Variants in SIPA1L1 observed in about 807,000 individuals in gnomAD.
The protein encoded by SIPA1L1 is signal-induced proliferation-associated 1-like protein 1.
A neutral mutation model predicts 162.7 loss-of-function variants in SIPA1L1; 26 were observed. That is an observed-to-expected ratio of 0.16 (90% confidence interval 0.12 to 0.22). The LOEUF (loss-of-function observed/expected upper bound fraction) is 0.22. SIPA1L1 is among the 10% of genes least tolerant of loss of function. SIPA1L1 has a pLI of 1.00. For missense variants in SIPA1L1, 1,874 were observed against 2,241.0 expected (o/e 0.84, Z 3.31); for synonymous variants, 829 against 837.4 (o/e 0.99, Z 0.17).
chr14:71,461,998 T>G (rs2046638772), intron 2 of SIPA1L1, among the ~76,000 whole-genome samples: 1 of 152,204 alleles, frequency 6.6e-6, no homozygotes, highest in Admixed American at 6.5e-5. Flanking sequence ...AACTTACTTG[T>G]GCCTTCAGGA....
chr14:71,481,514 A>G (rs2048350567), intron 2 of SIPA1L1, among the ~76,000 whole-genome samples: 1 of 151,960 alleles, frequency 6.6e-6, no homozygotes. Context: ...AACAACAACA[A>G]CAGCAAAAAA....
rs202169046 is a variant in SIPA1L1, at chr14:71,671,639, G to T, written c.2776G>T (p.Val926Leu). The stretch of plus-strand genomic sequence containing the variant: ...CTATGAACGAGGAGAATGTGTTTCA[G>T]TGGGTAGTTTTATTAACATTGAGGA... ...IFYERGECVS[V>L]GSFINIEEIK... Residue 926 changes from valine (V) to leucine (L), a missense_variant, in exon 11 of 24, where the codon GTG (valine) becomes TTG (leucine). Val to Leu is a conservative substitution (Grantham distance 32). Around this residue, in one of 5 missense-constraint regions of SIPA1L1, gnomAD observed 243 missense variants for 315.0 expected, o/e 0.77. Transcript: ENST00000381232. The T allele has an allele frequency of 8.0e-5, 129 of 1,613,608 alleles. No individual in the cohort carries two copies. The highest frequency in any genetic ancestry group is 1.0e-4 in the Non-Finnish European group (118 of 1,179,782).
intron 2 of SIPA1L1, among the ~76,000 whole-genome samples, chr14:71,356,844 T>A (rs2037321147): frequency 6.6e-6 from 1 of 151,580 alleles, no homozygotes. Flanking sequence ...ACAGAGAAAT[T>A]CCAGGGTTTT....
At chr14:71,523,018 C>G (rs1280231916) in intron 3 of SIPA1L1, among the ~76,000 whole-genome samples, 3 of 152,096 alleles carry the variant, frequency 2.0e-5, no homozygotes, top group Non-Finnish European at 4.4e-5. Flanking sequence ...GAGAAACACT[C>G]TGGGTAATTT....
chr14:71,463,932 A>T (rs1156920250), intron 2 of SIPA1L1, among the ~76,000 whole-genome samples: 1 of 152,134 alleles, frequency 6.6e-6, no homozygotes, highest in East Asian at 1.9e-4. Flanking sequence ...CTTGCCTTTG[A>T]TGGTTGAGTG....
At chr14:71,522,316 G>T (rs1233470507) in intron 3 of SIPA1L1, among the ~76,000 whole-genome samples, 2 of 152,046 alleles carry the variant, frequency 1.3e-5, no homozygotes, top group African/African-American at 4.8e-5. Flanking sequence ...TTTTTCACTT[G>T]CTTCTTGTTT....
intron 2 of SIPA1L1, among the ~76,000 whole-genome samples, chr14:71,391,531 T>C (rs977468705): frequency 3.9e-5 from 6 of 152,216 alleles, no homozygotes; most frequent in Admixed American, 6.5e-5. Context: ...ATGAGAACAG[T>C]TCATATGAAC....
chr14:71,605,023 A>G (rs1723033964), intron 5 of SIPA1L1, among the ~76,000 whole-genome samples: 1 of 152,074 alleles, frequency 6.6e-6, no homozygotes, highest in Non-Finnish European at 1.5e-5. Context: ...TGAAAATTTG[A>G]ATATTTGATT....
At chr14:71,694,740 T>TA (rs1186980073) in intron 13 of SIPA1L1, among the ~76,000 whole-genome samples, 2 of 152,214 alleles carry the variant, frequency 1.3e-5, no homozygotes, top group Non-Finnish European at 2.9e-5. Flanking sequence ...AAAGAGGTAT[T>TA]AATCTTTGTC....
intron 13 of SIPA1L1, among the ~76,000 whole-genome samples, chr14:71,690,960 C>T (rs1193391234): frequency 6.6e-6 from 1 of 152,246 alleles, no homozygotes; most frequent in African/African-American, 2.4e-5. Flanking sequence ...CCTGCCCCTC[C>T]TTCTGCCTCT....
intron 3 of SIPA1L1, among the ~76,000 whole-genome samples, chr14:71,519,371 A>G (rs946100839): frequency 6.6e-6 from 1 of 152,184 alleles, no homozygotes; most frequent in Non-Finnish European, 1.5e-5. Flanking sequence ...ACACACATGC[A>G]TTTATATTCC....
intron 2 of SIPA1L1, among the ~76,000 whole-genome samples, chr14:71,331,417 G>A (rs1040630831): frequency 3.9e-5 from 6 of 152,208 alleles, no homozygotes; most frequent in Non-Finnish European, 4.4e-5. Context: ...GAAGGATCGA[G>A]ACACACTTAG....
At chr14:71,343,892 A>G (rs1001829169) in intron 2 of SIPA1L1, among the ~76,000 whole-genome samples, 5 of 152,206 alleles carry the variant, frequency 3.3e-5, no homozygotes. Context: ...TGAGGTGGTA[A>G]TTGGCATTCC....
chr14:71,636,134 C>T (rs561751947), intron 7 of SIPA1L1, among the ~76,000 whole-genome samples: 3 of 152,130 alleles, frequency 2.0e-5, no homozygotes, highest in Non-Finnish European at 4.4e-5. Flanking sequence ...ATCTCTCCTT[C>T]AACAATGGAA....
intron 3 of SIPA1L1, among the ~76,000 whole-genome samples, chr14:71,525,302 C>T (rs574053084): frequency 4.6e-5 from 7 of 152,208 alleles, no homozygotes; most frequent in Non-Finnish European, 7.4e-5. Context: ...CCTGCCTCAG[C>T]CCCCTGAGTA....
intron 2 of SIPA1L1, among the ~76,000 whole-genome samples, chr14:71,327,534 T>C (rs929251096): frequency 6.6e-6 from 1 of 152,204 alleles, no homozygotes; most frequent in Non-Finnish European, 1.5e-5. Context: ...TTATAAGATA[T>C]AGAAATATAA....
At chr14:71,493,344 C>T (rs1255622718) in intron 2 of SIPA1L1, among the ~76,000 whole-genome samples, 2 of 151,954 alleles carry the variant, frequency 1.3e-5, no homozygotes, top group East Asian at 3.9e-4. Flanking sequence ...TTTCCCCATT[C>T]ACCCTCCCAA....
rs757129429 is a variant in SIPA1L1, at chr14:71,705,315, A to G, written c.3740A>G (p.His1247Arg). ...GRLMRQDPVVHLSPNKQGHSD... is the reference protein window; with the variant it reads ...GRLMRQDPVVRLSPNKQGHSD... ...TTAATGCGGCAGGATCCAGTGGTTC[A>G]TTTGTCTCCAAACAAACAAGGGCAT... is the stretch of plus-strand genomic sequence containing the variant. The change falls in exon 16 of 24, where the codon CAT becomes CGT. Residue 1247 changes from histidine (H) to arginine (R), a missense_variant. By Grantham distance (29) the His-to-Arg change is conservative. Around this residue, in one of 5 missense-constraint regions of SIPA1L1, gnomAD observed 936 missense variants for 1,051.9 expected, o/e 0.89. Transcript: ENST00000381232. 1.4e-5 allele frequency: 22 copies of G among 1,613,880 alleles called. No homozygotes were observed. The highest frequency in any genetic ancestry group is 1.8e-5 in the Non-Finnish European group (21 of 1,179,842).
chr14:71,331,759 T>C (rs183576669), intron 2 of SIPA1L1, among the ~76,000 whole-genome samples: 3 of 152,306 alleles, frequency 2.0e-5, no homozygotes, highest in Non-Finnish European at 2.9e-5. Flanking sequence ...AGATTTCCTG[T>C]ATCTGCTTGT....
Sources: gnomAD v4.1 joint callset for allele counts (sites outside exome capture counted in the v4.1 genomes callset) on GRCh38, gnomAD v4.1.1 for gene constraint, gnomAD v4.1.1 regional missense constraint, MANE v1.5 for transcripts, NCBI Gene and HGNC (gene_info 2026-07-23, HGNC 2026-07-21) for gene names.